The following GNG2 variants were observed in gnomAD, a reference collection of about 807,000 sequenced individuals.
The protein encoded by GNG2 is G protein subunit gamma 2.
In GNG2, 5 loss-of-function variants were observed where a neutral mutation model predicts 5.5. The observed-to-expected ratio is 0.91, with a 90% CI of 0.48 to 1.92. The LOEUF (loss-of-function observed/expected upper bound fraction) is 1.92. Ranked by LOEUF, GNG2 falls within the 30% of genes most tolerant of loss-of-function variation. GNG2 has a pLI of 0.01. For missense variants in GNG2, 55 were observed against 88.4 expected (o/e 0.62, Z 1.52); for synonymous variants, 28 against 32.0 (o/e 0.88, Z 0.42).
intron 2 of GNG2, among the ~76,000 whole-genome samples, chr14:51,842,944 C>T (rs1003278461): frequency 6.6e-6 from 1 of 152,166 alleles, no homozygotes; most frequent in Admixed American, 6.5e-5. Context: ...GGATTACAGG[C>T]GTGAGCCACC....
intron 2 of GNG2, among the ~76,000 whole-genome samples, chr14:51,943,293 T>C (rs1216888375): frequency 1.3e-5 from 2 of 152,234 alleles, no homozygotes; most frequent in Non-Finnish European, 2.9e-5. Flanking sequence ...TATGTATGTT[T>C]TGAAGCTTTG....
At chr14:51,864,598 G>T (rs1882745670) in intron 1 of GNG2, among the ~76,000 whole-genome samples, 1 of 152,192 alleles carries the variant, frequency 6.6e-6, no homozygotes, top group South Asian at 2.1e-4. Context: ...GTGATGTCCA[G>T]AACCTGATAG....
intron 2 of GNG2, among the ~76,000 whole-genome samples, chr14:51,920,544 A>G (rs958375590): frequency 6.6e-6 from 1 of 152,186 alleles, no homozygotes; most frequent in East Asian, 1.9e-4. Flanking sequence ...ATATAATTAC[A>G]AATTATGATA....
intron 2 of GNG2, among the ~76,000 whole-genome samples, chr14:51,828,700 G>A (rs554578719): frequency 6.6e-6 from 1 of 152,238 alleles, no homozygotes; most frequent in Non-Finnish European, 1.5e-5. Context: ...GCTTGGGTTG[G>A]TCTAAGGCTG....
At chr14:51,881,141 T>A (rs927881092) in intron 2 of GNG2, among the ~76,000 whole-genome samples, 4 of 152,170 alleles carry the variant, frequency 2.6e-5, no homozygotes, top group African/African-American at 7.2e-5. Flanking sequence ...CCACAGGACC[T>A]CGCTGAATCT....
chr14:51,942,595 T>TCTTTCTTTCTTTCTTTCTTTCTTTC lies in GNG2; in HGVS notation c.-29-8055_-29-8054insCTTTCTTTCTTTCTTTCTTTCTTTC, dbSNP rs1413000965. ...TCTCTTTCTTTCTTTCTTTCTTTTT[T>TCTTTCTTTCTTTCTTTCTTTCTTTC]TTTTTTTTTTTAGAGACAGGGACTC... On this transcript the variant is annotated intron_variant, in intron 2 of 3. Coordinates refer to ENST00000556766, the MANE Select transcript of GNG2 (RefSeq NM_053064.5). Among the ~76,000 whole-genome samples the TCTTTCTTTCTTTCTTTCTTTCTTTC allele has an allele frequency of 1.7e-3, 218 of 125,316 alleles. 1 individual carries two copies. Among genetic ancestry groups the TCTTTCTTTCTTTCTTTCTTTCTTTC allele is most frequent in the Non-Finnish European group, 2.2e-3 (129 of 58,670 alleles). The allele number at this position is 125,316 out of a possible 152,430, so 82.2% of individuals were successfully genotyped here. A position where few individuals can be genotyped will look rare whatever the true frequency, so the allele number is the denominator to read the frequency against.
At chr14:51,872,157 A>T (rs1883343697) in intron 1 of GNG2, among the ~76,000 whole-genome samples, 1 of 152,228 alleles carries the variant, frequency 6.6e-6, no homozygotes, top group Non-Finnish European at 1.5e-5. Context: ...AGCTTTGCTC[A>T]AATAAGCCAG....
chr14:51,896,790 C>A, intron 2 of GNG2, among the ~76,000 whole-genome samples: 1 of 151,916 alleles, frequency 6.6e-6, no homozygotes, highest in Non-Finnish European at 1.5e-5. Flanking sequence ...ATCATTATAG[C>A]CATAAACTTT....
intron 1 of GNG2, chr14:51,827,554 G>T: frequency 6.8e-6 from 4 of 587,114 alleles, no homozygotes; most frequent in Non-Finnish European, 1.2e-5. Context: ...GGTATTTTTT[G>T]ATGTCATACA....
chr14:51,868,153 C>G (rs1883040646), intron 1 of GNG2, among the ~76,000 whole-genome samples: 1 of 152,076 alleles, frequency 6.6e-6, no homozygotes, highest in Non-Finnish European at 1.5e-5. Flanking sequence ...GTTCAAAGTC[C>G]TAATGTCTGC....
intron 2 of GNG2, among the ~76,000 whole-genome samples, chr14:51,887,963 A>G (rs1283774769): frequency 6.6e-6 from 1 of 152,192 alleles, no homozygotes; most frequent in Admixed American, 6.5e-5. Context: ...GAGTATGCCT[A>G]TGCTCCTTTA....
At chr14:51,896,386 G>A (rs1215132050) in intron 2 of GNG2, among the ~76,000 whole-genome samples, 1 of 152,210 alleles carries the variant, frequency 6.6e-6, no homozygotes, top group East Asian at 1.9e-4. Flanking sequence ...AAGAGGTTAA[G>A]TGACTTGCTT....
At chr14:51,931,170 A>T (rs961565880) in intron 2 of GNG2, among the ~76,000 whole-genome samples, 8 of 152,210 alleles carry the variant, frequency 5.3e-5, no homozygotes, top group Non-Finnish European at 1.0e-4. Flanking sequence ...GGCTAGTGTG[A>T]TAGCAGTAGA....
intron 2 of GNG2, among the ~76,000 whole-genome samples, chr14:51,850,271 G>T (rs1234808176): frequency 6.6e-6 from 1 of 151,908 alleles, no homozygotes; most frequent in Non-Finnish European, 1.5e-5. Flanking sequence ...AAAGTAAGTT[G>T]CCTCTTATGT....
chr14:51,950,745 G>A lies in GNG2; in HGVS notation c.67G>A (p.Ala23Thr). Residue 23 changes from alanine (A) to threonine (T), a missense_variant, in exon 3 of 4, where the codon GCC becomes ACC. By Grantham distance (58) the Ala-to-Thr change is moderately conservative (BLOSUM62 0). Coordinates refer to ENST00000556766, the MANE Select transcript of GNG2 (RefSeq NM_053064.5). ...GCTGGTAGAGCAGCTTAAGATGGAA[G>A]CCAATATCGACAGGATAAAGGTGAG... ...RKLVEQLKME[A>T]NIDRIKVSKA... 1.1e-5 allele frequency: 17 copies of A among 1,608,778 alleles called. No homozygotes were observed. Among genetic ancestry groups the A allele is most frequent in the Non-Finnish European group, 1.4e-5 (17 of 1,177,650 alleles).
At chr14:51,840,988 T>A (rs1881467078) in intron 2 of GNG2, among the ~76,000 whole-genome samples, 1 of 152,156 alleles carries the variant, frequency 6.6e-6, no homozygotes, top group African/African-American at 2.4e-5. Context: ...TCTGGTAATT[T>A]TTTTCCGAGA....
At chr14:51,928,842 G>C (rs1035936561) in intron 2 of GNG2, among the ~76,000 whole-genome samples, 3 of 152,110 alleles carry the variant, frequency 2.0e-5, no homozygotes, top group Admixed American at 6.5e-5. Context: ...AGGGTTCTGT[G>C]ATTTACAGGC....
chr14:51,925,967 A>C (rs1887288612), intron 2 of GNG2, among the ~76,000 whole-genome samples: 1 of 151,960 alleles, frequency 6.6e-6, no homozygotes, highest in African/African-American at 2.4e-5. Context: ...AGTAGGGCCA[A>C]AGAGAAAAAG....
intron 2 of GNG2, among the ~76,000 whole-genome samples, chr14:51,946,535 G>C (rs1351714580): frequency 6.6e-6 from 1 of 152,226 alleles, no homozygotes; most frequent in Non-Finnish European, 1.5e-5. Context: ...AATGTGTACA[G>C]TTTCAGAGAC....
Sources: allele counts gnomAD v4.1 joint callset (sites outside exome capture counted in the v4.1 genomes callset), GRCh38; gene constraint gnomAD v4.1.1; transcripts MANE v1.5; gene names NCBI Gene and HGNC (gene_info 2026-07-23, HGNC 2026-07-21).